DIP2B: variants seen among roughly 807,000 people sequenced by gnomAD.
DIP2B encodes the protein DIP2 acetate--CoA ligase B (putative), also known as disco-interacting protein 2 homolog B.
In DIP2B, 76 loss-of-function variants were observed where a neutral mutation model predicts 198.0. That is an observed-to-expected ratio of 0.38 (90% CI 0.32 to 0.46). DIP2B has a LOEUF of 0.46. Among genes scored for constraint, DIP2B ranks in the 20% least tolerant of loss-of-function variants. DIP2B has a pLI of 0.99. For missense variants in DIP2B, 1,559 were observed against 1,978.4 expected (o/e 0.79, Z 4.02); for synonymous variants, 701 against 739.1 (o/e 0.95, Z 0.84).
At chr12:50,672,515 A>G (rs1021229093) in intron 5 of DIP2B, among the ~76,000 whole-genome samples, 1 of 152,234 alleles carries the variant, frequency 6.6e-6, no homozygotes, top group Non-Finnish European at 1.5e-5. Flanking sequence ...CCTAATACCC[A>G]GTTAACTTTT....
chr12:50,520,302 C>CG (rs532046318), intron 1 of DIP2B, among the ~76,000 whole-genome samples: 233 of 152,112 alleles, frequency 1.5e-3, no homozygotes, highest in African/African-American at 5.5e-3. Context: ...TTCCAAAGTG[C>CG]GGGGACTACA....
At chr12:50,665,349 T>C (rs1938731425) in intron 4 of DIP2B, among the ~76,000 whole-genome samples, 2 of 152,240 alleles carry the variant, frequency 1.3e-5, no homozygotes, top group African/African-American at 4.8e-5. Flanking sequence ...AGCAAGTTCA[T>C]AGTCGCTAAG....
intron 8 of DIP2B, 61 bp downstream of exon 8, chr12:50,678,937 T>A (rs751072130): frequency 1.3e-6 from 2 of 1,572,280 alleles, no homozygotes; most frequent in Non-Finnish European, 1.7e-6. Flanking sequence ...TCATGGGTAG[T>A]GTTTTTATCT....
chr12:50,661,740 T>G (rs1485131928), intron 4 of DIP2B, among the ~76,000 whole-genome samples: 1 of 152,206 alleles, frequency 6.6e-6, no homozygotes, highest in Non-Finnish European at 1.5e-5. Context: ...TTTGGCAGAT[T>G]ACACTGCAGT....
intron 1 of DIP2B, among the ~76,000 whole-genome samples, chr12:50,561,473 C>T (rs1958518951): frequency 6.6e-6 from 1 of 151,996 alleles, no homozygotes; most frequent in Non-Finnish European, 1.5e-5. Context: ...CTTAGGGCTT[C>T]TGTGAAACTA....
intron 1 of DIP2B, among the ~76,000 whole-genome samples, chr12:50,557,350 G>A (rs766246727): frequency 6.6e-6 from 1 of 152,204 alleles, no homozygotes; most frequent in Non-Finnish European, 1.5e-5. Flanking sequence ...CTGCTTTCCT[G>A]TGTGTGGTGC....
chr12:50,741,321 G>C, intron 36 of DIP2B, 95 bp from the exon 37 acceptor site: 1 of 1,466,422 alleles, frequency 6.8e-7, no homozygotes, highest in South Asian at 1.3e-5. Flanking sequence ...GCAGAGCCAG[G>C]TGACAGGCAG....
At chr12:50,657,245 A>AT (rs397726713) in intron 3 of DIP2B, among the ~76,000 whole-genome samples, 4 of 145,048 alleles carry the variant, frequency 2.8e-5, no homozygotes, top group African/African-American at 1.0e-4. Context: ...AAAAAAAAAA[A>AT]GTTGATTCCA....
intron 16 of DIP2B, among the ~76,000 whole-genome samples, chr12:50,696,731 C>A (rs1939319202): frequency 6.6e-6 from 1 of 152,166 alleles, no homozygotes; most frequent in Non-Finnish European, 1.5e-5. Flanking sequence ...ATGACAGTTC[C>A]TCAGGAAGAG....
chr12:50,639,333 G>T (rs1482127809), intron 2 of DIP2B, among the ~76,000 whole-genome samples: 1 of 152,098 alleles, frequency 6.6e-6, no homozygotes, highest in Non-Finnish European at 1.5e-5. Context: ...TAGTAGATGG[G>T]CTGCTCTGGA....
intron 35 of DIP2B, among the ~76,000 whole-genome samples, chr12:50,738,632 A>G (rs1051672979): frequency 6.6e-6 from 1 of 152,046 alleles, no homozygotes; most frequent in Admixed American, 6.6e-5. Flanking sequence ...TACCAGGCGC[A>G]CACCACCACG....
rs767762950 is a variant in DIP2B, at chr12:50,695,945, T to A, written c.1911T>A (p.Ile637=). Residue 637 remains isoleucine (I), a synonymous_variant, in exon 16 of 38, where the codon ATT becomes ATA. Coordinates refer to ENST00000301180, the MANE Select transcript of DIP2B (RefSeq NM_173602.3). ...GCTTGAGTTCCCTCCGAATGTTAATTGTGACTGATGGAGCTAACCCCTGTG... is the reference window on the plus strand; with the variant it reads ...GCTTGAGTTCCCTCCGAATGTTAATAGTGACTGATGGAGCTAACCCCTGTG... ...DVSLSSLRML[I]VTDGANPWSV... The A allele has an allele frequency of 9.3e-6, 15 of 1,614,100 alleles. No homozygotes were observed. The South Asian group carries it at 1.6e-4, about 18-fold the overall frequency.
At chr12:50,688,530 A>C (rs1181233272) in intron 12 of DIP2B, among the ~76,000 whole-genome samples, 1 of 152,034 alleles carries the variant, frequency 6.6e-6, no homozygotes, top group East Asian at 1.9e-4. Flanking sequence ...ATGCACCTAT[A>C]GTCCCAGCTA....
chr12:50,676,847 C>T (rs980076527), intron 7 of DIP2B, among the ~76,000 whole-genome samples: 6 of 152,126 alleles, frequency 3.9e-5, no homozygotes, highest in African/African-American at 1.4e-4. Context: ...TATTTAGAAA[C>T]ACCCATGTTT....
chr12:50,700,463 T>C (rs988442835), intron 19 of DIP2B, among the ~76,000 whole-genome samples: 1 of 152,184 alleles, frequency 6.6e-6, no homozygotes, highest in African/African-American at 2.4e-5. Flanking sequence ...TCTAGACTAG[T>C]GATTCCCAGG....
chr12:50,735,054 A>C lies in DIP2B; in HGVS notation c.4044-19A>C, dbSNP rs1303431051. The C allele has an allele frequency of 6.2e-7, 1 of 1,613,980 alleles. No individual in the cohort carries two copies. The highest frequency in any genetic ancestry group is 1.7e-5 in the Admixed American group (1 of 59,994). On this transcript the variant is annotated intron_variant, in intron 33 of 37. Transcript: ENST00000301180. ...TCCTCTTAAAAGCCCTATATATAGT[A>C]AATACCGTTCTTCTGCAGGGTTCGT...
At chr12:50,724,084 A>G (rs370244824) in intron 27 of DIP2B, among the ~76,000 whole-genome samples, 31 of 152,340 alleles carry the variant, frequency 2.0e-4, no homozygotes, top group South Asian at 1.9e-3. Context: ...CTTCTCTGAG[A>G]ACTGCTGCTC....
At chr12:50,575,804 C>G (rs1202293454) in intron 1 of DIP2B, among the ~76,000 whole-genome samples, 1 of 152,158 alleles carries the variant, frequency 6.6e-6, no homozygotes, top group Non-Finnish European at 1.5e-5. Flanking sequence ...GTCGCCCAGG[C>G]TGGAGTGCAG....
intron 1 of DIP2B, among the ~76,000 whole-genome samples, chr12:50,557,817 G>T (rs1343602839): frequency 6.6e-6 from 1 of 152,166 alleles, no homozygotes; most frequent in Non-Finnish European, 1.5e-5. Flanking sequence ...TCTGCCATAT[G>T]ATTGGCACTA....
Sources: allele counts gnomAD v4.1 joint callset (sites outside exome capture counted in the v4.1 genomes callset), GRCh38; gene constraint gnomAD v4.1.1; transcripts MANE v1.5; gene names NCBI Gene and HGNC (gene_info 2026-07-23, HGNC 2026-07-21).